KLKB1: variants seen among roughly 807,000 people sequenced by gnomAD.
KLKB1 encodes the protein kallikrein B1, also known as plasma kallikrein.
KLKB1 carries 58 observed loss-of-function variants against 73.6 expected under a neutral mutation model. That is an observed-to-expected ratio of 0.79 (90% CI 0.64 to 0.98). KLKB1 has a LOEUF of 0.98. Among genes scored for constraint, KLKB1 ranks in the 50% least tolerant of loss-of-function variants. The pLI is 0.00. For missense variants in KLKB1, 737 were observed against 763.8 expected, an observed-to-expected ratio of 0.96 and a Z score of 0.41; for synonymous variants, 280 against 258.1, an observed-to-expected ratio of 1.08 and a Z score of -0.81.
intron 10 of KLKB1, 46 bp downstream of exon 10, chr4:186,251,907 T>A: frequency 6.3e-7 from 1 of 1,598,788 alleles, no homozygotes; most frequent in Non-Finnish European, 8.6e-7. Context: ...ATGTCTGTCA[T>A]GTTGATAGTT....
chr4:186,243,764 G>C (rs549844569), intron 6 of KLKB1, among the ~76,000 whole-genome samples: 1 of 152,334 alleles, frequency 6.6e-6, no homozygotes, highest in South Asian at 2.1e-4. Context: ...GTGAGGGCCT[G>C]AGTTAAGGCA....
intron 4 of KLKB1, among the ~76,000 whole-genome samples, chr4:186,234,572 T>G (rs1737559841): frequency 6.6e-6 from 1 of 152,192 alleles, no homozygotes; most frequent in African/African-American, 2.4e-5. Flanking sequence ...CACAGGGCAG[T>G]CGTCCACAGC....
chr4:186,226,833 AGCCTGGGGTT>A (rs1737184736), upstream of KLKB1, among the ~76,000 whole-genome samples: 1 of 151,928 alleles, frequency 6.6e-6, no homozygotes, highest in Admixed American at 6.6e-5. Flanking sequence ...GCCAACTTGG[AGCCTGGGGTT>A]GCTGGGGCTA....
upstream of KLKB1, among the ~76,000 whole-genome samples, chr4:186,222,368 T>C (rs982887217): frequency 2.0e-5 from 3 of 152,218 alleles, no homozygotes; most frequent in Non-Finnish European, 4.4e-5. Context: ...CCTTTGTGAC[T>C]TAATAACTTT....
chr4:186,256,997 CTCTGTGTGTG>C (rs1336716595), intron 13 of KLKB1, among the ~76,000 whole-genome samples: 12 of 148,728 alleles, frequency 8.1e-5, no homozygotes, highest in African/African-American at 2.0e-4. Context: ...GTCTCTCTCT[CTCTGTGTGTG>C]TGTGTGTGTG....
intron 6 of KLKB1, among the ~76,000 whole-genome samples, chr4:186,248,423 TG>T (rs1450244517): frequency 1.3e-5 from 2 of 152,188 alleles, no homozygotes; most frequent in Non-Finnish European, 2.9e-5. Context: ...AATCATGCAA[TG>T]CAGCACATTT....
intron 6 of KLKB1, among the ~76,000 whole-genome samples, chr4:186,247,554 T>C (rs1738421033): frequency 6.6e-6 from 1 of 152,202 alleles, no homozygotes. Context: ...TCTGGATGTA[T>C]GCATGTAGGC....
In KLKB1 at chr4:186,250,354, G is replaced by A. The variant is rs774488618; in HGVS notation, c.710G>A (p.Cys237Tyr). Residue 237 changes from cysteine (C) to tyrosine (Y), a missense_variant, in exon 7 of 15, where the codon TGC becomes TAC. Coordinates refer to ENST00000264690, the MANE Select transcript of KLKB1 (RefSeq NM_000892.5). ...CRTICTYHPN[C>Y]LFFTFYTNVW... is the part of the protein sequence containing the mutation. ...ACCATCTGCACCTATCACCCCAACT[G>A]CCTCTTCTTTACATTCTATACAAAT... 4 of 1,613,956 alleles carry A rather than the reference G, an allele frequency of 2.5e-6. No individual in the cohort carries two copies. The African/African-American group carries it at 5.3e-5, about 22-fold the overall frequency.
At chr4:186,236,064 A>G (rs1292863808) in intron 4 of KLKB1, among the ~76,000 whole-genome samples, 1 of 149,170 alleles carries the variant, frequency 6.7e-6, no homozygotes. Context: ...CAGTGAGTCG[A>G]GATCGCGCCA....
chr4:186,243,975 G>A (rs1561458497), intron 6 of KLKB1, among the ~76,000 whole-genome samples: 1 of 152,116 alleles, frequency 6.6e-6, no homozygotes, highest in African/African-American at 2.4e-5. Flanking sequence ...ATGTCAGGTG[G>A]ATCAGAGAGA....
rs1240158793 is a variant in KLKB1, at chr4:186,258,227, T to G, written c.*15T>G. ...CACCAGCATGAGAAGCAGTCCAGAG[T>G]CTAGGCAATTTTTACAACCTGAGTT... On this transcript the variant is annotated 3_prime_UTR_variant, in exon 15 of 15. Coordinates refer to ENST00000264690, the MANE Select transcript of KLKB1 (RefSeq NM_000892.5). 1 of 1,610,234 alleles carries G rather than the reference T, an allele frequency of 6.2e-7. No individual in the cohort carries two copies. Among genetic ancestry groups the G allele is most frequent in the African/African-American group, 1.3e-5 (1 of 74,860 alleles).
chr4:186,227,763 G>T (rs1737216410), intron 1 of KLKB1, among the ~76,000 whole-genome samples, 176 bp downstream of exon 1: 1 of 152,148 alleles, frequency 6.6e-6, no homozygotes, highest in Admixed American at 6.5e-5. Context: ...AAATCAGAAA[G>T]AATATTTGAT....
intron 12 of KLKB1, among the ~76,000 whole-genome samples, chr4:186,255,307 T>G (rs934669696): frequency 8.5e-5 from 13 of 152,128 alleles, no homozygotes; most frequent in African/African-American, 3.1e-4. Context: ...ACACCTGTAA[T>G]CCCAACACTT....
chr4:186,256,369 C>A (rs936423429), intron 13 of KLKB1, among the ~76,000 whole-genome samples: 1 of 152,216 alleles, frequency 6.6e-6, no homozygotes, highest in Non-Finnish European at 1.5e-5. Flanking sequence ...CTGACAAGCC[C>A]GTGCAAGACC....
At position 186,232,300 on chromosome 4, in the gene KLKB1, G is replaced by T; in HGVS notation, c.221+11G>T. On this transcript the variant is annotated intron_variant, in intron 3 of 14. Transcript: ENST00000264690. Reference sequence around the variant, plus strand: ...TGACATGGAGAAAAGGTAAAAGTTGGTATTTCATTATTGGAGAAGCTGTTT... The same window carrying T: ...TGACATGGAGAAAAGGTAAAAGTTGTTATTTCATTATTGGAGAAGCTGTTT... 1 of 1,612,696 alleles carries T rather than the reference G, an allele frequency of 6.2e-7. No homozygotes were observed. The highest frequency in any genetic ancestry group is 1.1e-5 in the South Asian group (1 of 91,036).
chr4:186,220,306 A>C (rs919133513), intron 2 of KLKB1, among the ~76,000 whole-genome samples: 2 of 152,146 alleles, frequency 1.3e-5, no homozygotes, highest in Non-Finnish European at 2.9e-5. Context: ...CCTGCAAAGT[A>C]TTGTCCCCTA....
At chr4:186,257,632 TC>T (rs1399750283) in intron 14 of KLKB1, among the ~76,000 whole-genome samples, 2 of 105,914 alleles carry the variant, frequency 1.9e-5, no homozygotes, top group Non-Finnish European at 4.0e-5. Flanking sequence ...ACATTAGACT[TC>T]ATCATTGGGA....
chr4:186,243,246 G>A (rs944550846), intron 6 of KLKB1, among the ~76,000 whole-genome samples: 2 of 152,090 alleles, frequency 1.3e-5, no homozygotes, highest in South Asian at 2.1e-4. Context: ...TTTTTACGAC[G>A]GAAAGGAAAA....
chr4:186,215,234 T>C (rs1736858480), intron 2 of KLKB1, among the ~76,000 whole-genome samples: 1 of 150,746 alleles, frequency 6.6e-6, no homozygotes, highest in Non-Finnish European at 1.5e-5. Context: ...ATACATGTTT[T>C]AGCTGAATAG....
Sources: gnomAD v4.1 joint callset for allele counts (sites outside exome capture counted in the v4.1 genomes callset) on GRCh38, gnomAD v4.1.1 for gene constraint, MANE v1.5 for transcripts, NCBI Gene and HGNC (gene_info 2026-07-23, HGNC 2026-07-21) for gene names.